Variants in ROBO2 observed in about 807,000 individuals in gnomAD.
The protein encoded by ROBO2 is roundabout homolog 2.
Under a neutral mutation model 160.8 loss-of-function variants are expected in ROBO2, and 53 were observed. The ratio of observed to expected loss-of-function variants is 0.33; its 90% CI spans 0.26 to 0.41. The LOEUF (loss-of-function observed/expected upper bound fraction) is 0.41, where lower values mean the gene tolerates loss of function less well. Among genes scored for constraint, ROBO2 ranks in the 10% least tolerant of loss-of-function variants. ROBO2 has a pLI of 1.00. For missense variants in ROBO2, 1,577 were observed against 1,722.4 expected, an observed-to-expected ratio of 0.92 and a Z score of 1.49; for synonymous variants, 664 against 611.7, an observed-to-expected ratio of 1.09 and a Z score of -1.26.
At chr3:77,645,274 G>A (rs2095401371) in intron 25 of ROBO2, among the ~76,000 whole-genome samples, 1 of 152,078 alleles carries the variant, frequency 6.6e-6, no homozygotes, top group African/African-American at 2.4e-5. Flanking sequence ...AAACTCCTAA[G>A]GAATGCTTCA....
intron 2 of ROBO2, among the ~76,000 whole-genome samples, chr3:77,312,902 C>T (rs557518028): frequency 6.6e-5 from 10 of 152,286 alleles, no homozygotes; most frequent in African/African-American, 1.9e-4. Context: ...ATCACCAAAT[C>T]TAAAAAATCT....
At chr3:77,271,243 A>G (rs946138459) in intron 2 of ROBO2, among the ~76,000 whole-genome samples, 1 of 152,210 alleles carries the variant, frequency 6.6e-6, no homozygotes, top group African/African-American at 2.4e-5. Flanking sequence ...CTTTCAGTGT[A>G]AGCTACCATA....
intron 2 of ROBO2, among the ~76,000 whole-genome samples, chr3:77,410,498 CTCCTCTTCCTCCTCT>C (rs147263172): frequency 0.053 from 7,110 of 134,530 alleles, 552 homozygotes; most frequent in Middle Eastern, 0.12. Flanking sequence ...TTTCCTCCTC[CTCCTCTTCCTCCTCT>C]TCCTCCTCCT....
intron 2 of ROBO2, among the ~76,000 whole-genome samples, chr3:75,958,359 A>G (rs1176100917): frequency 1.3e-5 from 2 of 151,850 alleles, no homozygotes; most frequent in African/African-American, 4.8e-5. Flanking sequence ...GGAATAGAAT[A>G]TACCCTGTTA....
intron 1 of ROBO2, among the ~76,000 whole-genome samples, chr3:77,071,125 TCTTTA>T (rs2067368064): frequency 6.6e-6 from 1 of 152,186 alleles, no homozygotes; most frequent in African/African-American, 2.4e-5. Context: ...TCTCGCAGTC[TCTTTA>T]CTTTAAGAAC....
chr3:77,589,618 A>G (rs2094134556), intron 17 of ROBO2, among the ~76,000 whole-genome samples: 1 of 152,070 alleles, frequency 6.6e-6, no homozygotes, highest in Non-Finnish European at 1.5e-5. Context: ...CTTAGACTCC[A>G]AGACAGAGTT....
chr3:76,278,481 A>T (rs1158526585), intron 2 of ROBO2, among the ~76,000 whole-genome samples: 1 of 152,030 alleles, frequency 6.6e-6, no homozygotes, highest in Non-Finnish European at 1.5e-5. Context: ...CTCCCTAATA[A>T]ATATCCTTAG....
chr3:76,530,086 C>T (rs955587082), intron 2 of ROBO2, among the ~76,000 whole-genome samples: 1 of 152,162 alleles, frequency 6.6e-6, no homozygotes, highest in Admixed American at 6.5e-5. Flanking sequence ...GAACTGGAAA[C>T]GCCATTCCAG....
Position 76,090,653 on chromosome 3 carries a change from G to T in ROBO2, c.109+153051G>T, listed in dbSNP as rs1279481958. Among the ~76,000 whole-genome samples, 4 of 152,256 alleles carry T rather than the reference G, an allele frequency of 2.6e-5. No individual in the cohort carries two copies. In the East Asian group the frequency reaches 7.7e-4, roughly 29 times the overall value. ...GAATCGCCAATTTAATATTGAAGAA[G>T]AATAAAATTGGAGAAGTGATGCTAT... On this transcript the variant is annotated intron_variant, in intron 2 of 26. Coordinates refer to the ROBO2 transcript ENST00000487694.
chr3:76,174,147 C>A (rs1399906482), intron 2 of ROBO2, among the ~76,000 whole-genome samples: 1 of 151,982 alleles, frequency 6.6e-6, no homozygotes, highest in Non-Finnish European at 1.5e-5. Flanking sequence ...GGTTGTTGGT[C>A]GAATAACTGT....
At chr3:77,110,469 A>G (rs2150173173) in intron 2 of ROBO2, among the ~76,000 whole-genome samples, 1 of 151,850 alleles carries the variant, frequency 6.6e-6, no homozygotes, top group Non-Finnish European at 1.5e-5. Context: ...TTATTTTTTT[A>G]TATTTAAAAA....
chr3:77,296,955 G>T (rs184463020), intron 2 of ROBO2, among the ~76,000 whole-genome samples: 1 of 152,052 alleles, frequency 6.6e-6, no homozygotes, highest in African/African-American at 2.4e-5. Flanking sequence ...TGCTTTTCTC[G>T]CATACTTTGA....
At chr3:77,443,838 C>A (rs751772848) in intron 2 of ROBO2, among the ~76,000 whole-genome samples, 1 of 152,130 alleles carries the variant, frequency 6.6e-6, no homozygotes, top group Non-Finnish European at 1.5e-5. Context: ...CGAAAGGAGA[C>A]ATAAAGGGAA....
intron 2 of ROBO2, among the ~76,000 whole-genome samples, chr3:76,096,820 T>C (rs1437294916): frequency 7.9e-5 from 12 of 152,158 alleles, no homozygotes; most frequent in Non-Finnish European, 1.6e-4. Context: ...CACAATATTG[T>C]AGAGACGAGT....
Position 76,567,374 on chromosome 3 carries a change from C to A in ROBO2, c.110-530640C>A, listed in dbSNP as rs201006333. Among the ~76,000 whole-genome samples the A allele has an allele frequency of 1.6e-4, 24 of 151,790 alleles. No homozygotes were observed. The East Asian group carries it at 4.3e-3, about 27-fold the overall frequency. On this transcript the variant is annotated intron_variant, in intron 2 of 26. Coordinates refer to the ROBO2 transcript ENST00000487694. Reference sequence around the variant, plus strand: ...CATTCTTTTCAATGCCGTTTAATACCCTGCCAGTGCTACATGTATCTTATT... The same window carrying A: ...CATTCTTTTCAATGCCGTTTAATACACTGCCAGTGCTACATGTATCTTATT...
intron 6 of ROBO2, among the ~76,000 whole-genome samples, chr3:77,544,356 C>T (rs1036908353): frequency 1.4e-4 from 21 of 150,998 alleles, no homozygotes; most frequent in Non-Finnish European, 3.0e-4. Context: ...ATACCACGCT[C>T]TGTTCAAACA....
At chr3:76,555,426 A>AGAAGGG (rs200864132) in intron 2 of ROBO2, among the ~76,000 whole-genome samples, 2 of 96,972 alleles carry the variant, frequency 2.1e-5, no homozygotes, top group Admixed American at 1.0e-4. Flanking sequence ...AGAAAGAAGG[A>AGAAGGG]GAAGGGGAAG....
intron 2 of ROBO2, among the ~76,000 whole-genome samples, chr3:76,678,031 C>T (rs1405282471): frequency 5.9e-5 from 7 of 118,340 alleles, no homozygotes; most frequent in South Asian, 3.0e-4. Context: ...CGTGCAGTGG[C>T]GTGATCTCAG....
At chr3:76,439,902 T>C (rs888497650) in intron 2 of ROBO2, among the ~76,000 whole-genome samples, 2 of 152,120 alleles carry the variant, frequency 1.3e-5, no homozygotes, top group Non-Finnish European at 2.9e-5. Flanking sequence ...CCCCAGAGAA[T>C]CTTGCCTTCC....
Sources: allele counts gnomAD v4.1 joint callset (sites outside exome capture counted in the v4.1 genomes callset), GRCh38; gene constraint gnomAD v4.1.1; transcripts MANE v1.5; gene names NCBI Gene and HGNC (gene_info 2026-07-23, HGNC 2026-07-21).